CTNND2: variants seen among roughly 807,000 people sequenced by gnomAD.
CTNND2 encodes catenin delta-2.
In CTNND2, 22 loss-of-function variants were observed where a neutral mutation model predicts 144.4. That is an observed-to-expected ratio of 0.15 (90% confidence interval 0.11 to 0.22). CTNND2 has a LOEUF of 0.22. Ranked by LOEUF, CTNND2 falls within the 10% of genes least tolerant of loss-of-function variation. The probability of loss-of-function intolerance (pLI) is 1.00; values close to 1 mark genes in which losing one functional copy is unlikely to be tolerated. For missense variants in CTNND2, 1,353 were observed against 1,618.8 expected (o/e 0.84, Z 2.82); for synonymous variants, 751 against 695.6 (o/e 1.08, Z -1.25).
At chr5:11,251,570 C>T (rs1024097014) in intron 9 of CTNND2, among the ~76,000 whole-genome samples, 37 of 152,102 alleles carry the variant, frequency 2.4e-4, no homozygotes, top group African/African-American at 8.9e-4. Context: ...TTAAAATATC[C>T]CTCGGAATCC....
chr5:10,975,637 C>T (rs1736373395), intron 21 of CTNND2, among the ~76,000 whole-genome samples: 1 of 152,356 alleles, frequency 6.6e-6, no homozygotes, highest in Middle Eastern at 3.4e-3. Context: ...AGTCCAGTCC[C>T]ATCAGAGCCA....
At chr5:11,866,767 G>A (rs914211949) in intron 1 of CTNND2, among the ~76,000 whole-genome samples, 10 of 152,068 alleles carry the variant, frequency 6.6e-5, no homozygotes, top group South Asian at 6.2e-4. Flanking sequence ...GCAAAATAAC[G>A]CACAGGGAGA....
At chr5:11,817,463 G>C (rs1344096788) in intron 1 of CTNND2, among the ~76,000 whole-genome samples, 3 of 121,212 alleles carry the variant, frequency 2.5e-5, no homozygotes, top group Admixed American at 8.2e-5. Context: ...GAGAGAGAGA[G>C]AACTAGCGCT....
At chr5:11,224,553 A>G (rs1314108537) in intron 10 of CTNND2, among the ~76,000 whole-genome samples, 3 of 152,168 alleles carry the variant, frequency 2.0e-5, no homozygotes, top group Non-Finnish European at 4.4e-5. Flanking sequence ...TCTGTTTGTT[A>G]AAGTCACTGC....
At chr5:11,519,450 A>G (rs1301648580) in intron 3 of CTNND2, among the ~76,000 whole-genome samples, 1 of 150,450 alleles carries the variant, frequency 6.6e-6, no homozygotes, top group Non-Finnish European at 1.5e-5. Flanking sequence ...GAAGTTCTCT[A>G]TTCCCAGCCA....
At chr5:11,520,829 C>T (rs975472592) in intron 3 of CTNND2, among the ~76,000 whole-genome samples, 1 of 152,194 alleles carries the variant, frequency 6.6e-6, no homozygotes, top group Non-Finnish European at 1.5e-5. Flanking sequence ...CAGAGCTTAG[C>T]ACCTAGCAGT....
chr5:10,989,230 T>A (rs1379321571), intron 19 of CTNND2, among the ~76,000 whole-genome samples: 1 of 152,152 alleles, frequency 6.6e-6, no homozygotes, highest in Admixed American at 6.5e-5. Context: ...GGGCAGCTGG[T>A]CGCGCACCCC....
intron 21 of CTNND2, among the ~76,000 whole-genome samples, chr5:10,979,826 G>A (rs972744223): frequency 6.6e-6 from 1 of 152,294 alleles, no homozygotes; most frequent in Non-Finnish European, 1.5e-5. Context: ...TTTAATAAAT[G>A]TTGTTGGGAA....
intron 2 of CTNND2, among the ~76,000 whole-genome samples, chr5:11,578,445 G>A (rs908548509): frequency 1.3e-5 from 2 of 151,944 alleles, no homozygotes; most frequent in Non-Finnish European, 2.9e-5. Context: ...GGCAGATCAC[G>A]AGGTCAGGAG....
chr5:11,589,829 G>A (rs1401487028), intron 2 of CTNND2, among the ~76,000 whole-genome samples: 2 of 152,122 alleles, frequency 1.3e-5, no homozygotes, highest in African/African-American at 2.4e-5. Context: ...TAAAACAGAG[G>A]TAACGCCCCA....
At chr5:11,402,337 A>G (rs1273381847) in intron 5 of CTNND2, among the ~76,000 whole-genome samples, 2 of 152,236 alleles carry the variant, frequency 1.3e-5, no homozygotes, top group East Asian at 1.9e-4. Context: ...AGATGGTAGA[A>G]CTTACATACA....
chr5:11,074,667 C>T (rs1748722990), intron 16 of CTNND2, among the ~76,000 whole-genome samples: 1 of 152,178 alleles, frequency 6.6e-6, no homozygotes, highest in African/African-American at 2.4e-5. Context: ...TCCCTGTTCT[C>T]ACCACCCCTC....
intron 3 of CTNND2, among the ~76,000 whole-genome samples, chr5:11,533,857 G>C (rs1445723357): frequency 6.6e-6 from 1 of 152,192 alleles, no homozygotes; most frequent in East Asian, 1.9e-4. Context: ...CCTAGGCCTA[G>C]AACCTCACTT....
chr5:11,334,836 G>A (rs1452719605), intron 9 of CTNND2, among the ~76,000 whole-genome samples: 3 of 152,134 alleles, frequency 2.0e-5, no homozygotes, highest in Admixed American at 6.5e-5. Flanking sequence ...AGGACCCTCC[G>A]GTATGGAATT....
Position 11,312,510 on chromosome 5 carries a change from T to C in CTNND2, c.1628+33862A>G, listed in dbSNP as rs139723228. On this transcript the variant is annotated intron_variant, in intron 9 of 21. Coordinates refer to ENST00000304623, the MANE Select transcript of CTNND2 (RefSeq NM_001332.4). ...ATTAGATCTCATGAGACTTATTCAC[T>C]ATCACGAGAATAGGATGGGAAAGAC... Among the ~76,000 whole-genome samples, 1,179 of 152,214 alleles carry C rather than the reference T, an allele frequency of 7.7e-3. 16 individuals are homozygous for C. Among genetic ancestry groups the C allele is most frequent in the African/African-American group, 0.027 (1,128 of 41,506 alleles).
At chr5:11,715,635 T>C (rs1289665404) in intron 2 of CTNND2, among the ~76,000 whole-genome samples, 2 of 152,218 alleles carry the variant, frequency 1.3e-5, no homozygotes, top group East Asian at 1.9e-4. Flanking sequence ...GTCAATATTC[T>C]GGAATGCTTC....
chr5:11,009,824 T>G (rs1740876957), intron 18 of CTNND2, among the ~76,000 whole-genome samples: 1 of 152,246 alleles, frequency 6.6e-6, no homozygotes, highest in South Asian at 2.1e-4. Flanking sequence ...ATTTCCACTT[T>G]TGCACAATTG....
At chr5:11,288,308 A>T (rs1307425452) in intron 9 of CTNND2, among the ~76,000 whole-genome samples, 1 of 151,792 alleles carries the variant, frequency 6.6e-6, no homozygotes, top group East Asian at 1.9e-4. Context: ...TGCTTCTAAA[A>T]TGTTTTCTAG....
intron 18 of CTNND2, among the ~76,000 whole-genome samples, chr5:11,003,476 C>T (rs1002867982): frequency 6.6e-6 from 1 of 152,198 alleles, no homozygotes; most frequent in African/African-American, 2.4e-5. Context: ...AATGTAATCA[C>T]ATTAAGCAGA....
Sources: allele counts gnomAD v4.1 joint callset (sites outside exome capture counted in the v4.1 genomes callset), GRCh38; gene constraint gnomAD v4.1.1; transcripts MANE v1.5; gene names NCBI Gene and HGNC (gene_info 2026-07-23, HGNC 2026-07-21).